The following NDUFA5 variants were observed in gnomAD, a reference collection of about 807,000 sequenced individuals.
NDUFA5 encodes NADH:ubiquinone oxidoreductase subunit A5, also known as NADH dehydrogenase [ubiquinone] 1 alpha subcomplex subunit 5.
A neutral mutation model predicts 19.8 loss-of-function variants in NDUFA5; 11 were observed. That is an observed-to-expected ratio of 0.56 (90% CI 0.35 to 0.92). NDUFA5 has a LOEUF of 0.92. Among genes scored for constraint, NDUFA5 ranks in the 40% least tolerant of loss-of-function variants. NDUFA5 has a pLI of 0.01. For synonymous variants in NDUFA5, 47 were observed against 46.8 expected (o/e 1.00, Z -0.01); for missense variants, 109 against 134.2 (o/e 0.81, Z 0.93).
chr7:123,547,978 G>A (rs561039514), intron 3 of NDUFA5, among the ~76,000 whole-genome samples: 1 of 151,836 alleles, frequency 6.6e-6, no homozygotes, highest in Non-Finnish European at 1.5e-5. Flanking sequence ...AATTGAGACC[G>A]AGAAAACTAG....
At chr7:123,573,509 G>A in the NDUFA5 span, among the ~76,000 whole-genome samples, 14 of 152,044 alleles carry the variant, frequency 9.2e-5, no homozygotes, top group South Asian at 4.2e-4. Flanking sequence ...GAAGCAGCTC[G>A]GCTGGTGTGC....
upstream of NDUFA5, among the ~76,000 whole-genome samples, chr7:123,558,520 G>A (rs1278185059): frequency 2.0e-5 from 3 of 152,130 alleles, no homozygotes; most frequent in Non-Finnish European, 4.4e-5. Flanking sequence ...AAATAATTTG[G>A]TAACTGTTCT....
At chr7:123,579,355 A>G in the NDUFA5 span, among the ~76,000 whole-genome samples, 1 of 152,094 alleles carries the variant, frequency 6.6e-6, no homozygotes, top group Non-Finnish European at 1.5e-5. Flanking sequence ...AGGATCTTAG[A>G]TTTACATTTT....
At chr7:123,552,068 A>G (rs886128771) in intron 2 of NDUFA5, among the ~76,000 whole-genome samples, 7 of 152,272 alleles carry the variant, frequency 4.6e-5, no homozygotes, top group African/African-American at 1.7e-4. Context: ...GCCAAAACAC[A>G]GGTATGAACC....
At chr7:123,585,754 T>C in the NDUFA5 span, among the ~76,000 whole-genome samples, 1 of 151,758 alleles carries the variant, frequency 6.6e-6, no homozygotes, top group Non-Finnish European at 1.5e-5. Flanking sequence ...ATTAGATCTC[T>C]AAAACTTATA....
chr7:123,568,250 C>T, the NDUFA5 span, among the ~76,000 whole-genome samples: 7 of 152,178 alleles, frequency 4.6e-5, no homozygotes, highest in East Asian at 1.2e-3. Flanking sequence ...CGGTGGCTCA[C>T]GCCTGTAATC....
the NDUFA5 span, among the ~76,000 whole-genome samples, chr7:123,596,605 C>T: frequency 6.6e-6 from 1 of 151,766 alleles, no homozygotes; most frequent in South Asian, 2.1e-4. Context: ...GAGGGAGACC[C>T]TGTCTCAAAA....
chr7:123,537,047 G>C lies in NDUFA5; in HGVS notation c.*5072C>G, dbSNP rs1797773253. On this transcript the variant is annotated 3_prime_UTR_variant, in exon 5 of 5. Transcript: ENST00000355749. ...CAAACTTAATGAAAACAACCAATAGGAAAAAGCTTCTCAATTCCAAAAGTG... is the reference window on the plus strand; with the variant it reads ...CAAACTTAATGAAAACAACCAATAGCAAAAAGCTTCTCAATTCCAAAAGTG... 1 of 152,074 alleles carries C rather than the reference G, an allele frequency of 6.6e-6. No individual in the cohort carries two copies. Among genetic ancestry groups the C allele is most frequent in the Non-Finnish European group, 1.5e-5 (1 of 67,994 alleles). 9.4% of individuals were successfully genotyped at this position (152,074 alleles called of 1,614,324 possible). A position where few individuals can be genotyped will look rare whatever the true frequency, so the allele number is the denominator to read the frequency against.
chr7:123,561,730 T>A (rs1798690855), upstream of NDUFA5, among the ~76,000 whole-genome samples: 1 of 152,144 alleles, frequency 6.6e-6, no homozygotes, highest in Non-Finnish European at 1.5e-5. Flanking sequence ...CCCGAGTAGC[T>A]GGAATTACAG....
At chr7:123,561,967 C>A (rs1042147264), upstream of NDUFA5, among the ~76,000 whole-genome samples, 26 of 151,756 alleles carry the variant, frequency 1.7e-4, no homozygotes, top group African/African-American at 5.3e-4. Context: ...ATTTATGTTA[C>A]CCAGATCTGT....
At chr7:123,549,305 G>C (rs1797333262) in intron 3 of NDUFA5, among the ~76,000 whole-genome samples, 1 of 152,212 alleles carries the variant, frequency 6.6e-6, no homozygotes, top group Non-Finnish European at 1.5e-5. Context: ...CAGAGAAAAG[G>C]ATTTTGGAAC....
the NDUFA5 span, among the ~76,000 whole-genome samples, chr7:123,580,306 T>A: frequency 6.6e-6 from 1 of 152,050 alleles, no homozygotes; most frequent in Admixed American, 6.6e-5. Flanking sequence ...GTTGCACTGC[T>A]TTTTACATTT....
intron 4 of NDUFA5, among the ~76,000 whole-genome samples, chr7:123,543,073 G>A (rs187850685): frequency 2.2e-4 from 33 of 152,274 alleles, no homozygotes; most frequent in Admixed American, 1.6e-3. Context: ...CCCCATCTAT[G>A]ACAGCGGTCC....
the NDUFA5 span, among the ~76,000 whole-genome samples, chr7:123,566,469 C>T: frequency 6.6e-6 from 1 of 152,172 alleles, no homozygotes; most frequent in Admixed American, 6.5e-5. Flanking sequence ...ATATGCTCCC[C>T]TCTTCCTTAG....
the NDUFA5 span, among the ~76,000 whole-genome samples, chr7:123,573,199 GTTAATT>G: frequency 1.3e-5 from 2 of 148,904 alleles, no homozygotes; most frequent in African/African-American, 2.5e-5. Context: ...GCAAGAGTTA[GTTAATT>G]TTATTTTCTA....
At position 123,537,642 on chromosome 7, in the gene NDUFA5, G is replaced by A. The variant is rs28755907; in HGVS notation, c.*4477C>T. On this transcript the variant is annotated 3_prime_UTR_variant, in exon 5 of 5. Transcript: ENST00000355749. ...TATATTCATATTCACATTGAAGTGCGATAAATACCACAAATAGCCTCATGT... is the reference window on the plus strand; with the variant it reads ...TATATTCATATTCACATTGAAGTGCAATAAATACCACAAATAGCCTCATGT... The A allele has an allele frequency of 0.25, 37,773 of 151,840 alleles. 5,075 individuals are homozygous for A. Among genetic ancestry groups the A allele is most frequent in the East Asian group, 0.32 (1,656 of 5,158 alleles). 9.4% of individuals were successfully genotyped at this position (151,840 alleles called of 1,614,324 possible).
chr7:123,577,405 A>G, the NDUFA5 span, among the ~76,000 whole-genome samples: 2 of 152,148 alleles, frequency 1.3e-5, no homozygotes, highest in African/African-American at 4.8e-5. Flanking sequence ...CCTTCCTTTA[A>G]CAGCTGTTAG....
the NDUFA5 span, chr7:123,598,743 A>G: frequency 6.6e-6 from 1 of 152,206 alleles, no homozygotes; most frequent in Non-Finnish European, 1.5e-5. Context: ...TTTGTCATTA[A>G]TTTAGTATAA....
At position 123,551,372 on chromosome 7, in the gene NDUFA5, CTAT is replaced by C. The variant is rs532520147; in HGVS notation, c.67-789_67-787del. On this transcript the variant is annotated intron_variant, in intron 2 of 4. Coordinates refer to ENST00000355749, the MANE Select transcript of NDUFA5 (RefSeq NM_005000.5). ...TACAGGTACCCGCCACCATACCTGG[CTAT>C]TTTTTCTATTTTTAGTAGAGACAGG... 2.8e-4 allele frequency: 45 copies of C among 160,126 alleles called. No homozygotes were observed. The South Asian group carries it at 4.8e-3, about 17-fold the overall frequency. 9.9% of individuals were successfully genotyped at this position (160,126 alleles called of 1,614,324 possible). A position where few individuals can be genotyped will look rare whatever the true frequency, so the allele number is the denominator to read the frequency against.
Sources: allele counts gnomAD v4.1 joint callset (sites outside exome capture counted in the v4.1 genomes callset), GRCh38; gene constraint gnomAD v4.1.1; transcripts MANE v1.5; gene names NCBI Gene and HGNC (gene_info 2026-07-23, HGNC 2026-07-21).